Variants in ASIC2 observed in about 807,000 individuals in gnomAD.
ASIC2 encodes the protein acid-sensing ion channel 2.
A neutral mutation model predicts 57.3 loss-of-function variants in ASIC2; 25 were observed. The ratio of observed to expected loss-of-function variants is 0.44; its 90% confidence interval spans 0.32 to 0.61. ASIC2 has a LOEUF of 0.61. Among genes scored for constraint, ASIC2 ranks in the 20% least tolerant of loss-of-function variants. The pLI is 0.06. For missense variants in ASIC2, 641 were observed against 738.1 expected (o/e 0.87, Z 1.52); for synonymous variants, 319 against 307.5 (o/e 1.04, Z -0.39).
At chr17:33,186,894 T>G (rs924836808) in intron 1 of ASIC2, among the ~76,000 whole-genome samples, 1 of 152,222 alleles carries the variant, frequency 6.6e-6, no homozygotes, top group Admixed American at 6.5e-5. Flanking sequence ...TCTACTCTTT[T>G]TCTATGCAAC....
intron 1 of ASIC2, among the ~76,000 whole-genome samples, chr17:34,012,883 G>A (rs1036384756): frequency 3.3e-5 from 5 of 152,290 alleles, no homozygotes; most frequent in Non-Finnish European, 7.3e-5. Flanking sequence ...GCGCTAGTGT[G>A]GGTTCCTGGT....
chr17:33,086,895 A>AT (rs1350058234), intron 3 of ASIC2, among the ~76,000 whole-genome samples: 3 of 151,656 alleles, frequency 2.0e-5, no homozygotes, highest in South Asian at 4.2e-4. Flanking sequence ...GTTTTTTATG[A>AT]TTTTTTTACT....
chr17:33,160,076 G>A (rs1482066221), intron 1 of ASIC2, among the ~76,000 whole-genome samples: 1 of 152,002 alleles, frequency 6.6e-6, no homozygotes, highest in Non-Finnish European at 1.5e-5. Flanking sequence ...AGGCATGGTG[G>A]TGCACACCTG....
chr17:33,523,778 T>C (rs975665194), intron 1 of ASIC2, among the ~76,000 whole-genome samples: 3 of 152,226 alleles, frequency 2.0e-5, no homozygotes, highest in Middle Eastern at 3.4e-3. Context: ...CTCTACCAAC[T>C]AGTCATCTAC....
At chr17:33,998,358 T>C (rs1269863983) in intron 1 of ASIC2, among the ~76,000 whole-genome samples, 1 of 152,170 alleles carries the variant, frequency 6.6e-6, no homozygotes, top group Non-Finnish European at 1.5e-5. Context: ...ATTGTTTTGC[T>C]CATTTGCTTT....
At chr17:34,009,804 C>T (rs377230098) in intron 1 of ASIC2, among the ~76,000 whole-genome samples, 1 of 152,186 alleles carries the variant, frequency 6.6e-6, no homozygotes, top group Non-Finnish European at 1.5e-5. Context: ...TGAGCTAGAG[C>T]TTTCAGAACC....
At chr17:34,025,801 C>T (rs968924336) in intron 1 of ASIC2, among the ~76,000 whole-genome samples, 5 of 152,156 alleles carry the variant, frequency 3.3e-5, no homozygotes, top group African/African-American at 1.2e-4. Flanking sequence ...TGCCCTCATG[C>T]ATCATGCATG....
upstream of ASIC2, among the ~76,000 whole-genome samples, chr17:33,293,482 C>A (rs1267761152): frequency 2.6e-5 from 4 of 152,108 alleles, no homozygotes; most frequent in African/African-American, 9.7e-5. Flanking sequence ...GATGGGGATG[C>A]GCTGTACAGA....
At chr17:33,717,728 G>T (rs1909265869) in intron 1 of ASIC2, among the ~76,000 whole-genome samples, 1 of 152,178 alleles carries the variant, frequency 6.6e-6, no homozygotes, top group Admixed American at 6.5e-5. Flanking sequence ...AGTCCTCTCT[G>T]AGCTGAGAGG....
At chr17:33,765,653 C>T (rs1050687299) in intron 1 of ASIC2, among the ~76,000 whole-genome samples, 1 of 152,158 alleles carries the variant, frequency 6.6e-6, no homozygotes, top group African/African-American at 2.4e-5. Context: ...TGCCATTTCC[C>T]CTGGAATCTT....
intron 1 of ASIC2, among the ~76,000 whole-genome samples, chr17:33,881,113 A>G (rs1914688601): frequency 6.6e-6 from 1 of 152,180 alleles, no homozygotes; most frequent in Non-Finnish European, 1.5e-5. Flanking sequence ...ACGTATCTCT[A>G]AATAATAAGA....
chr17:33,636,987 G>C (rs2142031059), intron 1 of ASIC2, among the ~76,000 whole-genome samples: 1 of 152,188 alleles, frequency 6.6e-6, no homozygotes, highest in Admixed American at 6.5e-5. Flanking sequence ...AGAAACTTCT[G>C]AACATGCAAC....
At chr17:34,046,752 T>C (rs1435139113) in intron 1 of ASIC2, among the ~76,000 whole-genome samples, 1 of 152,216 alleles carries the variant, frequency 6.6e-6, no homozygotes. Context: ...ATGTTGTTAA[T>C]AACATTTTTA....
intron 1 of ASIC2, among the ~76,000 whole-genome samples, chr17:33,133,906 C>A (rs1869148717): frequency 6.6e-6 from 1 of 152,192 alleles, no homozygotes; most frequent in Admixed American, 6.5e-5. Context: ...GAAAAGGGAT[C>A]AAATCGTCAA....
chr17:33,292,837 C>G lies in ASIC2; in HGVS notation c.-722G>C. 1 of 985,598 alleles carries G rather than the reference C, an allele frequency of 1.0e-6. No individual in the cohort carries two copies. The highest frequency in any genetic ancestry group is 1.2e-6 in the Non-Finnish European group (1 of 830,054). The allele number at this position is 985,598 out of a possible 1,614,324, so 61.1% of individuals were successfully genotyped here. A position where few individuals can be genotyped will look rare whatever the true frequency, so the allele number is the denominator to read the frequency against. ...TCGGCAGAGACCTGCTTAGGCTTCCCCAAGTCCTGCGCCTAAGTCCTGCCA... is the reference window on the plus strand; with the variant it reads ...TCGGCAGAGACCTGCTTAGGCTTCCGCAAGTCCTGCGCCTAAGTCCTGCCA... On this transcript the variant is annotated 5_prime_UTR_variant, in exon 1 of 10. Coordinates refer to ENST00000225823, the MANE Select transcript of ASIC2 (RefSeq NM_183377.2).
chr17:34,123,849 A>C (rs1441390174), intron 1 of ASIC2, among the ~76,000 whole-genome samples: 1 of 152,126 alleles, frequency 6.6e-6, no homozygotes, highest in Non-Finnish European at 1.5e-5. Flanking sequence ...TGGGAAGTTG[A>C]GGTGGGCAGA....
At chr17:33,153,058 C>T (rs1300326271) in intron 1 of ASIC2, among the ~76,000 whole-genome samples, 1 of 152,182 alleles carries the variant, frequency 6.6e-6, no homozygotes, top group African/African-American at 2.4e-5. Context: ...CTCTCAGTTT[C>T]CAGAGTTTGA....
intron 1 of ASIC2, among the ~76,000 whole-genome samples, chr17:33,494,947 T>C (rs1400781334): frequency 1.3e-5 from 2 of 152,188 alleles, no homozygotes; most frequent in African/African-American, 4.8e-5. Context: ...GGTCTCTCTC[T>C]ATACTCTTGT....
At chr17:33,695,460 T>C (rs1465033302) in intron 1 of ASIC2, among the ~76,000 whole-genome samples, 2 of 152,202 alleles carry the variant, frequency 1.3e-5, no homozygotes, top group East Asian at 3.8e-4. Context: ...TATGCATGCA[T>C]TACTTTTAAA....
Sources: allele counts gnomAD v4.1 joint callset (sites outside exome capture counted in the v4.1 genomes callset), GRCh38; gene constraint gnomAD v4.1.1; transcripts MANE v1.5; gene names NCBI Gene and HGNC (gene_info 2026-07-23, HGNC 2026-07-21).